SDK1: variants seen among roughly 807,000 people sequenced by gnomAD.
SDK1 encodes sidekick cell adhesion molecule 1, also known as protein sidekick-1.
SDK1 carries 157 observed loss-of-function variants against 245.5 expected under a neutral mutation model. The observed-to-expected ratio is 0.64, with a 90% CI of 0.56 to 0.73. SDK1 has a LOEUF of 0.73. SDK1 is among the 30% of genes least tolerant of loss of function. SDK1 has a pLI of 0.00. For synonymous variants in SDK1, 1,647 were observed against 1,278.5 expected (o/e 1.29, Z -6.15); for missense variants, 3,583 against 3,002.3 (o/e 1.19, Z -4.52).
At chr7:3,783,297 A>C (rs1419830134) in intron 4 of SDK1, among the ~76,000 whole-genome samples, 1 of 152,186 alleles carries the variant, frequency 6.6e-6, no homozygotes, top group Non-Finnish European at 1.5e-5. Flanking sequence ...TTCCTCTGAC[A>C]TAGACAAACA....
chr7:3,495,961 A>G (rs532948384), intron 1 of SDK1, among the ~76,000 whole-genome samples: 86 of 152,284 alleles, frequency 5.6e-4, no homozygotes, highest in African/African-American at 2.0e-3. Flanking sequence ...TTTGCATACA[A>G]CTAGAACATA....
At chr7:3,443,473 G>C (rs1026635740) in intron 1 of SDK1, among the ~76,000 whole-genome samples, 1 of 152,130 alleles carries the variant, frequency 6.6e-6, no homozygotes, top group African/African-American at 2.4e-5. Flanking sequence ...TGTATACCCT[G>C]AATATTTTCC....
Position 3,647,674 on chromosome 7 carries a change from C to G in SDK1, c.713+5569C>G, listed in dbSNP as rs113948288. Among the ~76,000 whole-genome samples, 1,319 of 152,208 alleles carry G rather than the reference C, an allele frequency of 8.7e-3. 27 individuals are homozygous for G. The highest frequency in any genetic ancestry group is 0.03 in the African/African-American group (1,233 of 41,506). On this transcript the variant is annotated intron_variant, in intron 4 of 44. Coordinates refer to ENST00000404826, the MANE Select transcript of SDK1 (RefSeq NM_152744.4). Reference sequence around the variant, plus strand: ...CGAACTCCTGACTTCAGGCAATCCACCCGCCTCTGCCTCCCAAAGTGCTGG... The same window carrying G: ...CGAACTCCTGACTTCAGGCAATCCAGCCGCCTCTGCCTCCCAAAGTGCTGG...
chr7:3,784,674 A>G (rs944456793), intron 4 of SDK1, among the ~76,000 whole-genome samples: 5 of 152,194 alleles, frequency 3.3e-5, no homozygotes, highest in African/African-American at 4.8e-5. Context: ...TACATCTCAC[A>G]CCTGTCAGAA....
chr7:4,065,956 T>C (rs1336772259), intron 19 of SDK1, among the ~76,000 whole-genome samples: 1 of 152,072 alleles, frequency 6.6e-6, no homozygotes, highest in Non-Finnish European at 1.5e-5. Flanking sequence ...TATTTTAAGC[T>C]GAAAGACTTG....
At chr7:3,683,949 AT>A (rs1784194704) in intron 4 of SDK1, among the ~76,000 whole-genome samples, 1 of 152,180 alleles carries the variant, frequency 6.6e-6, no homozygotes, top group Non-Finnish European at 1.5e-5. Context: ...CCACACAGGA[AT>A]GAGAAAAGCA....
chr7:4,029,650 C>G (rs35261707), intron 17 of SDK1, among the ~76,000 whole-genome samples: 24,776 of 152,006 alleles, frequency 0.16, 2,225 homozygotes, highest in African/African-American at 0.24. Context: ...GGGGATTGAG[C>G]TATGCCCAAA....
intron 37 of SDK1, among the ~76,000 whole-genome samples, chr7:4,208,660 A>G (rs6949000): frequency 0.011 from 1,650 of 152,258 alleles, 32 homozygotes; most frequent in African/African-American, 0.038. Context: ...GCCTGATGGC[A>G]TGTCCAGATC....
chr7:3,661,288 T>C (rs1783347439), intron 4 of SDK1, among the ~76,000 whole-genome samples: 1 of 152,252 alleles, frequency 6.6e-6, no homozygotes, highest in Non-Finnish European at 1.5e-5. Context: ...CTGCTATGTA[T>C]GGATTAACAT....
rs539793975 is a variant in SDK1, at chr7:4,264,568, G to C, written c.6382-556G>C. On this transcript the variant is annotated intron_variant, in intron 44 of 44. Coordinates refer to ENST00000404826, the MANE Select transcript of SDK1 (RefSeq NM_152744.4). ...TCTCCTGAGTGAGGGAGGCCGCGTG[G>C]ACCTCTCCTGAGTGGGGAGGCCGCG... 1.2e-4 allele frequency among the ~76,000 whole-genome samples: 16 copies of C among 132,792 alleles called. 1 individual carries two copies. In the South Asian group the frequency reaches 4.0e-3, roughly 33 times the overall value. 87.1% of individuals were successfully genotyped at this position (132,792 alleles called of 152,430 possible).
At chr7:3,485,682 G>GATTTTTTTTTTTTTTTTTT (rs1562515905) in intron 1 of SDK1, among the ~76,000 whole-genome samples, 1 of 30,970 alleles carries the variant, frequency 3.2e-5, no homozygotes. Context: ...ATCTTTGGAG[G>GATTTTTTTTTTTTTTTTTT]GTTTTTTTTT....
In SDK1 at chr7:3,403,879, T is replaced by TAA. The variant is rs1562466283; in HGVS notation, c.298+101995_298+101996insAA. ...TATATATATATATATAATATATATA[T>TAA]TTATTTATATTATATATATATTTAT... On this transcript the variant is annotated intron_variant, in intron 1 of 44. Transcript: ENST00000404826. 1.9e-4 allele frequency among the ~76,000 whole-genome samples: 25 copies of TAA among 130,168 alleles called. 1 individual carries two copies. The highest frequency in any genetic ancestry group is 7.3e-4 in the African/African-American group (25 of 34,342). The allele number at this position is 130,168 out of a possible 152,430, so 85.4% of individuals were successfully genotyped here. A position where few individuals can be genotyped will look rare whatever the true frequency, so the allele number is the denominator to read the frequency against.
Position 4,023,744 on chromosome 7 carries a change from G to A in SDK1, c.2602+6392G>A, listed in dbSNP as rs57621408. 5.4e-3 allele frequency among the ~76,000 whole-genome samples: 826 copies of A among 152,288 alleles called. 21 individuals are homozygous for A. The highest frequency in any genetic ancestry group is 0.037 in the Admixed American group (566 of 15,300). On this transcript the variant is annotated intron_variant, in intron 17 of 44. Coordinates refer to ENST00000404826, the MANE Select transcript of SDK1 (RefSeq NM_152744.4). ...TTTGAAGCAATCAGTAGTTCATATCGATGCTGACTCGCTGTTTGGCTCACA... is the reference window on the plus strand; with the variant it reads ...TTTGAAGCAATCAGTAGTTCATATCAATGCTGACTCGCTGTTTGGCTCACA...
chr7:4,245,992 G>GC (rs527429115), intron 44 of SDK1, among the ~76,000 whole-genome samples, 187 bp downstream of exon 44: 94 of 152,286 alleles, frequency 6.2e-4, no homozygotes, highest in African/African-American at 1.6e-3. Context: ...CCTGCTCTGG[G>GC]CCCCGCAGAG....
intron 5 of SDK1, among the ~76,000 whole-genome samples, chr7:3,883,199 G>A (rs1022994630): frequency 1.1e-4 from 17 of 152,162 alleles, no homozygotes; most frequent in African/African-American, 3.9e-4. Flanking sequence ...CACAGGCTTC[G>A]ACCAGAGAAG....
At chr7:3,584,399 C>G (rs1362247774) in intron 1 of SDK1, among the ~76,000 whole-genome samples, 1 of 152,116 alleles carries the variant, frequency 6.6e-6, no homozygotes, top group East Asian at 1.9e-4. Context: ...CATTCTGGAC[C>G]TTATTCTGAT....
intron 4 of SDK1, among the ~76,000 whole-genome samples, chr7:3,664,924 G>A (rs939238106): frequency 3.9e-5 from 6 of 152,112 alleles, no homozygotes; most frequent in Admixed American, 6.5e-5. Context: ...TGATTTTGGA[G>A]GACAGTCTGT....
chr7:3,516,971 T>C (rs1782775250), intron 1 of SDK1, among the ~76,000 whole-genome samples: 1 of 152,156 alleles, frequency 6.6e-6, no homozygotes, highest in East Asian at 1.9e-4. Flanking sequence ...ACTTTATCTT[T>C]TTGGTGAGGT....
chr7:4,192,041 T>C (rs931848108), intron 35 of SDK1, among the ~76,000 whole-genome samples: 2 of 152,212 alleles, frequency 1.3e-5, no homozygotes, highest in African/African-American at 4.8e-5. Flanking sequence ...TTCCCCTCTT[T>C]GCCTGTTTCT....
Sources: allele counts gnomAD v4.1 joint callset (sites outside exome capture counted in the v4.1 genomes callset), GRCh38; gene constraint gnomAD v4.1.1; transcripts MANE v1.5; gene names NCBI Gene and HGNC (gene_info 2026-07-23, HGNC 2026-07-21).